The following SLC44A1 variants were observed in gnomAD, a reference collection of about 807,000 sequenced individuals.
SLC44A1 encodes the protein solute carrier family 44 member 1, also known as choline transporter-like protein 1.
In SLC44A1, 26 loss-of-function variants were observed where a neutral mutation model predicts 79.3. That is an observed-to-expected ratio of 0.33 (90% CI 0.24 to 0.46). The LOEUF is 0.46. SLC44A1 is among the 20% of genes least tolerant of loss of function. The pLI, the probability that SLC44A1 is intolerant of heterozygous loss-of-function variation, is 1.00. For missense variants in SLC44A1, 688 were observed against 798.1 expected, an observed-to-expected ratio of 0.86 and a Z score of 1.66; for synonymous variants, 263 against 286.2, an observed-to-expected ratio of 0.92 and a Z score of 0.82.
chr9:105,377,530 C>T (rs577962938), intron 13 of SLC44A1, among the ~76,000 whole-genome samples: 38 of 151,656 alleles, frequency 2.5e-4, no homozygotes, highest in African/African-American at 9.0e-4. Context: ...GCGGGCAGAT[C>T]ACCTGAGGTC....
chr9:105,396,531 A>C lies in SLC44A1; in HGVS notation c.*7475A>C, dbSNP rs1828878495. ...AGGCGGCCAAATTTAAAGATCAGTC[A>C]ATACAGTAGGGACCTGCTATTGATC... On this transcript the variant is annotated 3_prime_UTR_variant, in exon 16 of 16. Transcript: ENST00000374720. The C allele has an allele frequency of 4.1e-6, 4 of 985,320 alleles. No individual in the cohort carries two copies. The highest frequency in any genetic ancestry group is 1.7e-5 in the African/African-American group (1 of 57,240). The allele number at this position is 985,320 out of a possible 1,614,324, so 61.0% of individuals were successfully genotyped here.
At chr9:105,415,307 G>A (rs562982178) in intron 15 of SLC44A1, among the ~76,000 whole-genome samples, 2 of 152,276 alleles carry the variant, frequency 1.3e-5, no homozygotes, top group East Asian at 1.9e-4. Context: ...AAAAGGCAGC[G>A]TTTAAAACAG....
intron 15 of SLC44A1, among the ~76,000 whole-genome samples, chr9:105,418,589 C>G (rs1829205578): frequency 6.6e-6 from 1 of 152,238 alleles, no homozygotes; most frequent in Admixed American, 6.5e-5. Flanking sequence ...AACTAGCCCC[C>G]ACCCTTCCCA....
At chr9:105,260,098 G>T (rs1284305032) in intron 1 of SLC44A1, among the ~76,000 whole-genome samples, 2 of 152,126 alleles carry the variant, frequency 1.3e-5, no homozygotes, top group Middle Eastern at 3.2e-3. Flanking sequence ...TTTCTCCCAA[G>T]TATGTGCTTC....
intron 1 of SLC44A1, among the ~76,000 whole-genome samples, chr9:105,294,304 G>A (rs2131277954): frequency 6.6e-6 from 1 of 152,218 alleles, no homozygotes; most frequent in South Asian, 2.1e-4. Context: ...AAGTTTGTCT[G>A]GTATCAATTC....
At chr9:105,340,273 A>G (rs912249718) in intron 4 of SLC44A1, among the ~76,000 whole-genome samples, 1 of 152,256 alleles carries the variant, frequency 6.6e-6, no homozygotes, top group African/African-American at 2.4e-5. Context: ...CATTATGCGA[A>G]GTGAAGTAAT....
chr9:105,351,600 A>AAG (rs779693553), intron 5 of SLC44A1, among the ~76,000 whole-genome samples: 3 of 43,186 alleles, frequency 6.9e-5, no homozygotes, highest in Non-Finnish European at 1.7e-4. Context: ...GAGAAAGAGA[A>AAG]AGAAAGAAAG....
chr9:105,337,857 A>C (rs936680617), intron 4 of SLC44A1, among the ~76,000 whole-genome samples: 4 of 152,158 alleles, frequency 2.6e-5, no homozygotes, highest in African/African-American at 9.7e-5. Flanking sequence ...CCAGGCTGGT[A>C]TCCTTCTAAG....
chr9:105,315,385 G>T lies in SLC44A1; in HGVS notation c.269+5519G>T, dbSNP rs140026109. On this transcript the variant is annotated intron_variant, in intron 3 of 15. Transcript: ENST00000374720. ...GATAATTGATTGTTTAATAAACAGTGGTCTTATTTTAAGGAAACTCCATAT... is the reference window on the plus strand; with the variant it reads ...GATAATTGATTGTTTAATAAACAGTTGTCTTATTTTAAGGAAACTCCATAT... 2.4e-3 allele frequency among the ~76,000 whole-genome samples: 360 copies of T among 151,460 alleles called. 3 individuals are homozygous for T. Among genetic ancestry groups the T allele is most frequent in the African/African-American group, 8.1e-3 (334 of 41,328 alleles).
In SLC44A1 at chr9:105,390,538, GTA is replaced by G. The variant is rs1161558843; in HGVS notation, c.*1484_*1485del. On this transcript the variant is annotated 3_prime_UTR_variant, in exon 16 of 16. Transcript: ENST00000374720. ...CAGAACTAGACAGTGAATTAGATCGGTATTATGGAAATGCATACAAGTAATGT... is the reference window on the plus strand; with the variant it reads ...CAGAACTAGACAGTGAATTAGATCGGTTATGGAAATGCATACAAGTAATGT... 2.0e-6 allele frequency: 2 copies of G among 985,404 alleles called. No homozygotes were observed. Among genetic ancestry groups the G allele is most frequent in the East Asian group, 2.3e-4 (2 of 8,790 alleles). 61.0% of individuals were successfully genotyped at this position (985,404 alleles called of 1,614,324 possible). A position where few individuals can be genotyped will look rare whatever the true frequency, so the allele number is the denominator to read the frequency against.
At chr9:105,266,766 C>T (rs187298651) in intron 1 of SLC44A1, among the ~76,000 whole-genome samples, 7 of 152,226 alleles carry the variant, frequency 4.6e-5, no homozygotes, top group African/African-American at 1.2e-4. Context: ...GCTTCCTTTT[C>T]GAAGTTATTT....
At chr9:105,363,528 G>T (rs563550566) in intron 9 of SLC44A1, among the ~76,000 whole-genome samples, 1 of 147,228 alleles carries the variant, frequency 6.8e-6, no homozygotes. Flanking sequence ...GCAGTGGTGT[G>T]ATCTCAGCTC....
chr9:105,358,535 T>C lies in SLC44A1; in HGVS notation c.760+102T>C, dbSNP rs1214820301. Reference sequence around the variant, plus strand: ...ATAAATTATATTTTCACAAGCTATATCCTCAAGGAAGACTGTTAATTTTTG... The same window carrying C: ...ATAAATTATATTTTCACAAGCTATACCCTCAAGGAAGACTGTTAATTTTTG... On this transcript the variant is annotated intron_variant, in intron 7 of 15. Coordinates refer to ENST00000374720, the MANE Select transcript of SLC44A1 (RefSeq NM_080546.5). 16 of 716,150 alleles carry C rather than the reference T, an allele frequency of 2.2e-5. No homozygotes were observed. In the South Asian group the frequency reaches 2.7e-4, roughly 12 times the overall value. The allele number at this position is 716,150 out of a possible 1,614,324, so 44.4% of individuals were successfully genotyped here.
chr9:105,350,626 G>A (rs948372635), intron 5 of SLC44A1, among the ~76,000 whole-genome samples: 14 of 152,138 alleles, frequency 9.2e-5, no homozygotes, highest in Admixed American at 2.6e-4. Context: ...TAAGTCTGGG[G>A]TGAATTCCAT....
At chr9:105,268,208 A>G (rs533660716) in intron 1 of SLC44A1, among the ~76,000 whole-genome samples, 10 of 152,082 alleles carry the variant, frequency 6.6e-5, no homozygotes, top group African/African-American at 2.4e-4. Flanking sequence ...CCCCATTGTC[A>G]TCTCCAGTTC....
intron 3 of SLC44A1, among the ~76,000 whole-genome samples, chr9:105,317,930 C>G (rs1318892733): frequency 6.6e-6 from 1 of 152,096 alleles, no homozygotes; most frequent in Non-Finnish European, 1.5e-5. Flanking sequence ...ATGCTCTAAG[C>G]CTTTGATGAA....
chr9:105,315,016 A>G (rs1831282255), intron 3 of SLC44A1, among the ~76,000 whole-genome samples: 1 of 152,202 alleles, frequency 6.6e-6, no homozygotes, highest in African/African-American at 2.4e-5. Context: ...ACTAAAATAG[A>G]TCTGGTGAGC....
chr9:105,250,183 T>C (rs541340626), intron 1 of SLC44A1, among the ~76,000 whole-genome samples: 1 of 152,254 alleles, frequency 6.6e-6, no homozygotes, highest in South Asian at 2.1e-4. Flanking sequence ...GCCTACTTTT[T>C]TATCTTTAGA....
intron 1 of SLC44A1, among the ~76,000 whole-genome samples, chr9:105,264,175 G>A (rs1056015277): frequency 2.0e-5 from 3 of 151,840 alleles, no homozygotes; most frequent in African/African-American, 7.3e-5. Context: ...TTTTTTGTTT[G>A]TTTGTTTGAG....
Sources: gnomAD v4.1 joint callset for allele counts (sites outside exome capture counted in the v4.1 genomes callset) on GRCh38, gnomAD v4.1.1 for gene constraint, MANE v1.5 for transcripts, NCBI Gene and HGNC (gene_info 2026-07-23, HGNC 2026-07-21) for gene names.